Variants in C12orf42 observed in about 807,000 individuals in gnomAD.
C12orf42 encodes uncharacterized protein C12orf42.
A neutral mutation model predicts 21.6 loss-of-function variants in C12orf42; 25 were observed. That is an observed-to-expected ratio of 1.16 (90% confidence interval 0.84 to 1.62). The LOEUF (loss-of-function observed/expected upper bound fraction) is 1.62. Ranked by LOEUF, C12orf42 falls within the 40% of genes most tolerant of loss-of-function variation. The pLI, the probability that C12orf42 is intolerant of heterozygous loss-of-function variation, is 0.00. For missense variants in C12orf42, 483 were observed against 459.3 expected (o/e 1.05, Z -0.47); for synonymous variants, 174 against 175.0 (o/e 0.99, Z 0.05).
At chr12:103,125,010 G>T in the C12orf42 span, among the ~76,000 whole-genome samples, 1 of 152,110 alleles carries the variant, frequency 6.6e-6, no homozygotes, top group Non-Finnish European at 1.5e-5. Flanking sequence ...ACTGATATTT[G>T]AGAGTCAGTA....
At chr12:103,514,668 A>G in the C12orf42 span, among the ~76,000 whole-genome samples, 1 of 152,208 alleles carries the variant, frequency 6.6e-6, no homozygotes, top group East Asian at 1.9e-4. Flanking sequence ...TAGCTGTTGC[A>G]CAGAAAACAG....
At chr12:103,379,658 C>T (rs991836891) in intron 3 of C12orf42, among the ~76,000 whole-genome samples, 3 of 152,214 alleles carry the variant, frequency 2.0e-5, no homozygotes, top group African/African-American at 7.2e-5. Flanking sequence ...TTACAATACA[C>T]TTTGCCCACA....
intron 10 of C12orf42, among the ~76,000 whole-genome samples, chr12:103,263,008 C>T (rs139901727): frequency 6.6e-5 from 10 of 152,146 alleles, no homozygotes; most frequent in Admixed American, 3.9e-4. Flanking sequence ...TGTAGGGATA[C>T]GGATGAAGCT....
the C12orf42 span, among the ~76,000 whole-genome samples, chr12:103,132,118 C>T: frequency 1.3e-5 from 2 of 152,036 alleles, no homozygotes; most frequent in African/African-American, 4.8e-5. Flanking sequence ...AGATATAATC[C>T]TTTTCTGAGA....
At chr12:103,234,529 G>A (rs2136149385), downstream of C12orf42, among the ~76,000 whole-genome samples, 1 of 152,230 alleles carries the variant, frequency 6.6e-6, no homozygotes, top group South Asian at 2.1e-4. Context: ...TACTCCATTG[G>A]TACACAGCAG....
At chr12:103,162,953 G>A in the C12orf42 span, 8 of 152,220 alleles carry the variant, frequency 5.3e-5, no homozygotes, top group Non-Finnish European at 8.8e-5. Flanking sequence ...TTCATGAGGT[G>A]AGATGCCCTT....
the C12orf42 span, among the ~76,000 whole-genome samples, chr12:103,187,225 A>G: frequency 3.3e-5 from 5 of 152,216 alleles, no homozygotes; most frequent in Non-Finnish European, 7.4e-5. Flanking sequence ...CACTATTTTA[A>G]GTGCATCTTA....
chr12:103,497,877 T>TA (rs1169816736), upstream of C12orf42, among the ~76,000 whole-genome samples: 2 of 151,420 alleles, frequency 1.3e-5, no homozygotes, highest in Non-Finnish European at 2.9e-5. Flanking sequence ...TAAAACAAAA[T>TA]AAAAAAAATT....
intron 4 of C12orf42, among the ~76,000 whole-genome samples, chr12:103,315,496 G>A (rs1295677067): frequency 7.2e-5 from 11 of 152,112 alleles, no homozygotes; most frequent in Admixed American, 7.2e-4. Context: ...TTGAAGACAG[G>A]TCAATACGAA....
chr12:103,403,963 C>G (rs1484259951), intron 2 of C12orf42, among the ~76,000 whole-genome samples: 1 of 152,220 alleles, frequency 6.6e-6, no homozygotes, highest in Non-Finnish European at 1.5e-5. Context: ...GCATCATTCA[C>G]AGAGACTGTG....
intron 2 of C12orf42, among the ~76,000 whole-genome samples, chr12:103,428,993 C>A (rs1270862953): frequency 6.6e-6 from 1 of 152,174 alleles, no homozygotes; most frequent in Non-Finnish European, 1.5e-5. Context: ...CTATTTATGA[C>A]AAACCCACAG....
chr12:103,220,329 G>T, the C12orf42 span, among the ~76,000 whole-genome samples: 1 of 151,968 alleles, frequency 6.6e-6, no homozygotes, highest in Non-Finnish European at 1.5e-5. Context: ...AAACCACCAT[G>T]GCATGTGTAT....
chr12:103,226,916 G>A, the C12orf42 span, among the ~76,000 whole-genome samples: 1 of 152,294 alleles, frequency 6.6e-6, no homozygotes, highest in Admixed American at 6.5e-5. Context: ...TGGACGTCAG[G>A]CACCTCAGAC....
the C12orf42 span, among the ~76,000 whole-genome samples, chr12:103,054,358 A>G: frequency 6.6e-6 from 1 of 151,868 alleles, no homozygotes; most frequent in Non-Finnish European, 1.5e-5. Flanking sequence ...ATGATGTTAT[A>G]TTTTTAATTT....
At chr12:103,147,133 T>G in the C12orf42 span, among the ~76,000 whole-genome samples, 1 of 152,208 alleles carries the variant, frequency 6.6e-6, no homozygotes, top group Admixed American at 6.5e-5. Flanking sequence ...ATTGTAAACT[T>G]TTTATTTAAA....
At chr12:103,535,377 T>G in the C12orf42 span, among the ~76,000 whole-genome samples, 17 of 151,082 alleles carry the variant, frequency 1.1e-4, no homozygotes, top group East Asian at 2.0e-4. Flanking sequence ...ACTTATATTA[T>G]ATATAAGTAT....
the C12orf42 span, among the ~76,000 whole-genome samples, chr12:103,561,125 C>T: frequency 6.6e-6 from 1 of 152,166 alleles, no homozygotes; most frequent in Admixed American, 6.5e-5. Flanking sequence ...TTAGGCACTA[C>T]AATGCTAATG....
chr12:103,253,483 G>A (rs1196022369), intron 10 of C12orf42, among the ~76,000 whole-genome samples: 1 of 151,958 alleles, frequency 6.6e-6, no homozygotes, highest in Non-Finnish European at 1.5e-5. Flanking sequence ...TTATTTCCTT[G>A]AGCAGAGGTT....
intron 2 of C12orf42, among the ~76,000 whole-genome samples, chr12:103,453,279 TAA>T (rs1037517829): frequency 7.2e-5 from 11 of 151,926 alleles, no homozygotes; most frequent in Admixed American, 2.6e-4. Flanking sequence ...TATATTTATA[TAA>T]GAGGTTTTTA....
Sources: allele counts gnomAD v4.1 joint callset (sites outside exome capture counted in the v4.1 genomes callset), GRCh38; gene constraint gnomAD v4.1.1; transcripts MANE v1.5; gene names NCBI Gene and HGNC (gene_info 2026-07-23, HGNC 2026-07-21).